The following IL34 variants were observed in gnomAD, a reference collection of about 807,000 sequenced individuals.
IL34 encodes interleukin-34.
In IL34, 17 loss-of-function variants were observed where a neutral mutation model predicts 25.3. The observed-to-expected ratio is 0.67, with a 90% CI of 0.46 to 1.01. IL34 has a LOEUF of 1.01. IL34 is among the 50% of genes least tolerant of loss of function. The probability of loss-of-function intolerance (pLI) is 0.00; values close to 1 mark genes in which losing one functional copy is unlikely to be tolerated. For missense variants in IL34, 368 were observed against 312.9 expected, an observed-to-expected ratio of 1.18 and a Z score of -1.33; for synonymous variants, 174 against 140.9, an observed-to-expected ratio of 1.23 and a Z score of -1.66.
intron 1 of IL34, among the ~76,000 whole-genome samples, chr16:70,631,594 T>A (rs988868985): frequency 2.6e-5 from 4 of 152,228 alleles, no homozygotes; most frequent in African/African-American, 4.8e-5. Flanking sequence ...TGGGCTGTTA[T>A]AAAACTAAAC....
intron 1 of IL34, among the ~76,000 whole-genome samples, chr16:70,619,363 G>T (rs2051230479): frequency 6.6e-6 from 1 of 152,070 alleles, no homozygotes. Context: ...TGGGAAGAAG[G>T]GTGGCAATGA....
At chr16:70,643,544 A>T (rs2051836584), upstream of IL34, among the ~76,000 whole-genome samples, 1 of 151,992 alleles carries the variant, frequency 6.6e-6, no homozygotes, top group Non-Finnish European at 1.5e-5. Flanking sequence ...CTAATTAAAA[A>T]AATTTTTGTT....
intron 1 of IL34, among the ~76,000 whole-genome samples, chr16:70,590,936 G>A (rs1037294260): frequency 1.3e-5 from 2 of 152,250 alleles, no homozygotes; most frequent in Non-Finnish European, 2.9e-5. Flanking sequence ...TCGTCAGTGC[G>A]CTGCCCCTCC....
At chr16:70,650,707 A>T (rs1285385031) in intron 1 of IL34, among the ~76,000 whole-genome samples, 1 of 151,976 alleles carries the variant, frequency 6.6e-6, no homozygotes, top group Non-Finnish European at 1.5e-5. Context: ...GTGGTTCCAG[A>T]CCCCCAGCCA....
rs571108638 is a variant in IL34 at position 70,611,979 on chromosome 16, T to C, written c.-401+31930T>C. On this transcript the variant is annotated intron_variant, in intron 1 of 6. Coordinates refer to the IL34 transcript ENST00000429149. ...AGGAGGTCAAGGATGCAGTGAGCCA[T>C]GATTGCACCTCTGCACTCCAGCCTG... 6.6e-5 allele frequency among the ~76,000 whole-genome samples: 10 copies of C among 152,260 alleles called. No individual in the cohort carries two copies. The South Asian group carries it at 2.1e-3, about 32-fold the overall frequency.
intron 1 of IL34, among the ~76,000 whole-genome samples, chr16:70,648,496 T>A: frequency 7.6e-6 from 1 of 132,064 alleles, no homozygotes; most frequent in African/African-American, 3.0e-5. Context: ...GAGGCTGCAG[T>A]AGCAAGGATC....
At chr16:70,625,576 A>G (rs1357381399) in intron 1 of IL34, among the ~76,000 whole-genome samples, 1 of 152,090 alleles carries the variant, frequency 6.6e-6, no homozygotes, top group African/African-American at 2.4e-5. Flanking sequence ...AGGGTGAAGG[A>G]CCAAGGCAGG....
At chr16:70,605,968 G>GTTTTT (rs1483071432) in intron 1 of IL34, among the ~76,000 whole-genome samples, 3 of 123,698 alleles carry the variant, frequency 2.4e-5, no homozygotes, top group Admixed American at 8.0e-5. Context: ...CACCGCACCT[G>GTTTTT]GTTTTTTTTT....
intron 4 of IL34, among the ~76,000 whole-genome samples, chr16:70,659,256 G>A (rs2052315447): frequency 6.6e-6 from 1 of 152,250 alleles, no homozygotes; most frequent in Non-Finnish European, 1.5e-5. Flanking sequence ...AGTTGATGGA[G>A]ATGTCTGCTT....
intron 1 of IL34, among the ~76,000 whole-genome samples, chr16:70,612,917 C>T (rs991703216): frequency 5.9e-5 from 9 of 152,194 alleles, no homozygotes; most frequent in African/African-American, 2.2e-4. Flanking sequence ...TCCCAAGTAG[C>T]TGGGATCACC....
intron 3 of IL34, 43 bp from the exon 4 acceptor site, chr16:70,656,917 G>A (rs746070181): frequency 1.9e-6 from 3 of 1,580,198 alleles, no homozygotes; most frequent in Non-Finnish European, 1.7e-6. Context: ...AGAGCCCAGA[G>A]GCCCATGTCT....
intron 1 of IL34, among the ~76,000 whole-genome samples, chr16:70,611,358 CCTT>C (rs548619555): frequency 4.6e-5 from 7 of 152,142 alleles, no homozygotes; most frequent in African/African-American, 1.4e-4. Context: ...AGATTTGTGT[CCTT>C]CTCCCCGCCA....
chr16:70,655,943 A>G (rs1597782059), intron 2 of IL34, among the ~76,000 whole-genome samples: 1 of 152,156 alleles, frequency 6.6e-6, no homozygotes. Flanking sequence ...GACATAATTT[A>G]CTCATTTAAA....
chr16:70,630,849 A>G (rs1420478923), intron 1 of IL34, among the ~76,000 whole-genome samples: 2 of 152,170 alleles, frequency 1.3e-5, no homozygotes, highest in Non-Finnish European at 2.9e-5. Flanking sequence ...TTGAGATTAT[A>G]GGAGTGAGCC....
upstream of IL34, among the ~76,000 whole-genome samples, chr16:70,645,321 G>A (rs533009317): frequency 2.0e-5 from 3 of 152,274 alleles, no homozygotes; most frequent in East Asian, 3.9e-4. Flanking sequence ...CACCTCTTAG[G>A]GTAAGGGCCA....
Position 70,597,564 on chromosome 16 carries a change from C to T in IL34, c.-401+17515C>T, listed in dbSNP as rs185396826. Reference sequence around the variant, plus strand: ...TTTTTTAGTTCTTGTTACAAATTGCCAAGTAAGGACTAATCCAGAAAGACT... The same window carrying T: ...TTTTTTAGTTCTTGTTACAAATTGCTAAGTAAGGACTAATCCAGAAAGACT... On this transcript the variant is annotated intron_variant, in intron 1 of 6. Coordinates refer to the IL34 transcript ENST00000429149. 2.2e-3 allele frequency among the ~76,000 whole-genome samples: 330 copies of T among 152,282 alleles called. 2 individuals carry two copies. The highest frequency in any genetic ancestry group is 7.7e-3 in the African/African-American group (320 of 41,562).
chr16:70,636,585 TCACACACACACACACACACACA>T (rs34816911), intron 1 of IL34, among the ~76,000 whole-genome samples: 1 of 136,384 alleles, frequency 7.3e-6, no homozygotes, highest in Non-Finnish European at 1.6e-5. Flanking sequence ...GCAAACCCTG[TCACACACACACACACACACACA>T]CACACACACA....
intron 4 of IL34, among the ~76,000 whole-genome samples, chr16:70,659,399 G>A (rs1033514635): frequency 2.6e-5 from 4 of 152,226 alleles, no homozygotes; most frequent in African/African-American, 7.2e-5. Flanking sequence ...ATGGAAAAGC[G>A]AAGCCTCTGA....
intron 1 of IL34, among the ~76,000 whole-genome samples, chr16:70,609,639 G>T (rs1181987296): frequency 1.3e-5 from 2 of 152,220 alleles, no homozygotes; most frequent in Admixed American, 1.3e-4. Flanking sequence ...AGAGACAGGT[G>T]CACTGAGGCA....
Sources: allele counts gnomAD v4.1 joint callset (sites outside exome capture counted in the v4.1 genomes callset), GRCh38; gene constraint gnomAD v4.1.1; transcripts MANE v1.5; gene names NCBI Gene and HGNC (gene_info 2026-07-23, HGNC 2026-07-21).